The following KLHL14 variants were observed in gnomAD, a reference collection of about 807,000 sequenced individuals.
KLHL14 encodes the protein kelch like family member 14, also known as kelch-like protein 14.
In KLHL14, 22 loss-of-function variants were observed where a neutral mutation model predicts 64.3. The ratio of observed to expected loss-of-function variants is 0.34; its 90% CI spans 0.24 to 0.49. KLHL14 has a LOEUF of 0.49. Among genes scored for constraint, KLHL14 ranks in the 20% least tolerant of loss-of-function variants. KLHL14 has a pLI of 0.99. For missense variants in KLHL14, 661 were observed against 789.0 expected (o/e 0.84, Z 1.94); for synonymous variants, 322 against 333.4 (o/e 0.97, Z 0.37).
At chr18:32,682,425 T>C (rs1598546260) in intron 5 of KLHL14, among the ~76,000 whole-genome samples, 1 of 152,300 alleles carries the variant, frequency 6.6e-6, no homozygotes, top group East Asian at 1.9e-4. Flanking sequence ...TCAGATTTCA[T>C]AAAGTAAAGA....
intron 5 of KLHL14, among the ~76,000 whole-genome samples, chr18:32,686,640 G>A (rs534256646): frequency 1.3e-5 from 2 of 152,078 alleles, no homozygotes; most frequent in African/African-American, 4.8e-5. Flanking sequence ...GGAGGAAAAT[G>A]TAAACAAGAC....
chr18:32,701,234 A>G (rs1252757325), intron 3 of KLHL14, among the ~76,000 whole-genome samples: 1 of 152,156 alleles, frequency 6.6e-6, no homozygotes, highest in Non-Finnish European at 1.5e-5. Flanking sequence ...ATAATACACA[A>G]CTGAACGAGG....
intron 7 of KLHL14, among the ~76,000 whole-genome samples, chr18:32,678,704 A>C (rs2049823311): frequency 6.6e-6 from 1 of 152,120 alleles, no homozygotes; most frequent in Non-Finnish European, 1.5e-5. Context: ...CTTTACAGAC[A>C]TGAGGTTAAG....
intron 2 of KLHL14, chr18:32,744,160 A>G (rs928608387): frequency 1.3e-5 from 2 of 152,212 alleles, no homozygotes; most frequent in African/African-American, 4.8e-5. Context: ...TAGTATATAA[A>G]CAAATTAACT....
At chr18:32,753,534 A>G (rs1191770513) in intron 2 of KLHL14, among the ~76,000 whole-genome samples, 1 of 152,178 alleles carries the variant, frequency 6.6e-6, no homozygotes, top group Non-Finnish European at 1.5e-5. Flanking sequence ...TCCTCTAGGC[A>G]CCAAACTTGC....
intron 3 of KLHL14, among the ~76,000 whole-genome samples, chr18:32,738,872 A>C (rs953724822): frequency 2.0e-5 from 3 of 152,152 alleles, no homozygotes; most frequent in African/African-American, 7.2e-5. Flanking sequence ...AATATAAATA[A>C]CATAATAGGA....
intron 3 of KLHL14, among the ~76,000 whole-genome samples, chr18:32,715,396 T>C (rs925948784): frequency 2.0e-5 from 3 of 152,174 alleles, no homozygotes; most frequent in Non-Finnish European, 2.9e-5. Context: ...TCCAAGTGGG[T>C]AAATTGCTTT....
chr18:32,739,104 CTAGT>C (rs772559906), intron 3 of KLHL14, among the ~76,000 whole-genome samples: 29 of 152,010 alleles, frequency 1.9e-4, no homozygotes, highest in Non-Finnish European at 3.7e-4. Flanking sequence ...TAGGTGTCTG[CTAGT>C]TAGTTTGCAT....
At chr18:32,756,875 CAT>C (rs1259187014) in intron 2 of KLHL14, among the ~76,000 whole-genome samples, 1 of 152,186 alleles carries the variant, frequency 6.6e-6, no homozygotes, top group Non-Finnish European at 1.5e-5. Context: ...AAGACAAAAA[CAT>C]GTGACTAATT....
chr18:32,720,136 T>C (rs1317704999), intron 3 of KLHL14, among the ~76,000 whole-genome samples: 4 of 152,178 alleles, frequency 2.6e-5, no homozygotes, highest in African/African-American at 9.7e-5. Flanking sequence ...CTGCATGTAT[T>C]AGCAAAAACT....
In KLHL14 at chr18:32,680,814, A is replaced by G. The variant is rs571787496; in HGVS notation, c.1239-215T>C. On this transcript the variant is annotated intron_variant, in intron 5 of 8. Coordinates refer to ENST00000359358, the MANE Select transcript of KLHL14 (RefSeq NM_020805.3). The surrounding 1 kb of genome is among the most constrained non-coding windows in gnomAD (Gnocchi z 4.8). ...CTTCCTGGTTAATATTCTTGATATT[A>G]AAGTAATAGTAGAGGAGAAATTCAC... Among the ~76,000 whole-genome samples, 109 of 152,316 alleles carry G rather than the reference A, an allele frequency of 7.2e-4. No homozygotes were observed. The highest frequency in any genetic ancestry group is 1.2e-3 in the Non-Finnish European group (82 of 68,032).
intron 1 of KLHL14, among the ~76,000 whole-genome samples, chr18:32,771,857 C>A (rs945519671): frequency 2.6e-5 from 4 of 151,982 alleles, no homozygotes; most frequent in Non-Finnish European, 4.4e-5. Context: ...AGCATCGTCG[C>A]CTGCAGCCGC....
intron 3 of KLHL14, among the ~76,000 whole-genome samples, chr18:32,709,420 G>T (rs565765666): frequency 6.6e-6 from 1 of 151,576 alleles, no homozygotes; most frequent in African/African-American, 2.4e-5. Flanking sequence ...CCCTTCTTTT[G>T]TGATAACACT....
intron 3 of KLHL14, among the ~76,000 whole-genome samples, chr18:32,735,683 T>A (rs929339666): frequency 2.0e-5 from 3 of 152,150 alleles, no homozygotes; most frequent in African/African-American, 7.2e-5. Flanking sequence ...ATCTTATATA[T>A]TTTATACCCT....
intron 1 of KLHL14, chr18:32,771,047 C>T (rs757100558): frequency 3.1e-6 from 1 of 318,462 alleles, no homozygotes; most frequent in Admixed American, 4.1e-5. Flanking sequence ...AGGGAAAGGC[C>T]GGGAAGTGGG....
intron 2 of KLHL14, among the ~76,000 whole-genome samples, chr18:32,748,571 G>A (rs1381955588): frequency 2.6e-5 from 4 of 151,358 alleles, no homozygotes; most frequent in African/African-American, 7.3e-5. Flanking sequence ...GGGTTTCACC[G>A]TCTCCATCTC....
chr18:32,699,277 C>T (rs1436616000), intron 3 of KLHL14, among the ~76,000 whole-genome samples: 1 of 152,074 alleles, frequency 6.6e-6, no homozygotes, highest in Non-Finnish European at 1.5e-5. Flanking sequence ...CATATATGTA[C>T]ATTAAATATA....
chr18:32,763,201 T>C (rs1397913415), intron 2 of KLHL14, among the ~76,000 whole-genome samples: 2 of 151,956 alleles, frequency 1.3e-5, no homozygotes, highest in Non-Finnish European at 2.9e-5. Context: ...TTTTAGTAAG[T>C]CAATATTATA....
chr18:32,748,525 A>G (rs1390169120), intron 2 of KLHL14, among the ~76,000 whole-genome samples: 3 of 151,954 alleles, frequency 2.0e-5, no homozygotes, highest in Non-Finnish European at 2.9e-5. Flanking sequence ...GCCCGCCATC[A>G]CGCCTGGCTA....
Sources: gnomAD v4.1 joint callset for allele counts (sites outside exome capture counted in the v4.1 genomes callset) on GRCh38, gnomAD v4.1.1 for gene constraint, Gnocchi (gnomAD v3.1) non-coding constraint, MANE v1.5 for transcripts, NCBI Gene and HGNC (gene_info 2026-07-23, HGNC 2026-07-21) for gene names.